Variants in SERPINE3 observed in about 807,000 individuals in gnomAD.
The protein encoded by SERPINE3 is serpin E3.
A neutral mutation model predicts 41.7 loss-of-function variants in SERPINE3; 43 were observed. That is an observed-to-expected ratio of 1.03 (90% CI 0.81 to 1.33). The LOEUF is 1.33. Ranked by LOEUF, SERPINE3 falls within the 40% of genes most tolerant of loss-of-function variation. The pLI is 0.00. For synonymous variants in SERPINE3, 200 were observed against 192.2 expected (o/e 1.04, Z -0.34); for missense variants, 440 against 491.7 (o/e 0.89, Z 0.99).
chr13:51,361,513 CAA>C (rs71785351), intron 8 of SERPINE3, 149 bp downstream of exon 8: 15,924 of 625,228 alleles, frequency 0.025, 286 homozygotes, highest in South Asian at 0.048. Flanking sequence ...CTAAAGAAAA[CAA>C]AAAGTTTTTG....
chr13:51,351,607 C>T (rs1023002590), intron 6 of SERPINE3, among the ~76,000 whole-genome samples: 1 of 151,936 alleles, frequency 6.6e-6, no homozygotes, highest in African/African-American at 2.4e-5. Context: ...CAATGGTGTC[C>T]TTTGAAGCAC....
intron 3 of SERPINE3, among the ~76,000 whole-genome samples, chr13:51,342,022 T>C (rs1025037761): frequency 1.7e-4 from 26 of 152,242 alleles, no homozygotes; most frequent in African/African-American, 6.3e-4. Context: ...CATGAGTCTT[T>C]CGAATGCCAG....
At chr13:51,361,450 C>T (rs1479341714) in intron 8 of SERPINE3, 86 bp downstream of exon 8, 4 of 843,360 alleles carry the variant, frequency 4.7e-6, no homozygotes, top group Non-Finnish European at 7.8e-6. Flanking sequence ...ACTTCTGAAT[C>T]TTTCCATAAC....
In SERPINE3 at chr13:51,355,155, T is replaced by G; in HGVS notation, c.1000+12T>G. ...GAAAGGAATTTCAGGTAAAAACGGT[T>G]CTTCTTCCAAACGTTCTAGCCGTGT... On this transcript the variant is annotated intron_variant, in intron 7 of 9. Transcript: ENST00000681248. 3.4e-4 allele frequency: 461 copies of G among 1,367,830 alleles called. No homozygotes were observed. Among genetic ancestry groups the G allele is most frequent in the Non-Finnish European group, 4.3e-4 (420 of 980,562 alleles). The allele number at this position is 1,367,830 out of a possible 1,614,324, so 84.7% of individuals were successfully genotyped here.
intron 7 of SERPINE3, among the ~76,000 whole-genome samples, chr13:51,356,504 ACTGTATTTTCTTCTACATCG>A (rs944882892): frequency 3.3e-5 from 5 of 152,070 alleles, no homozygotes; most frequent in East Asian, 3.9e-4. Context: ...AGAGTTAAAA[ACTGTATTTTCTTCTACATCG>A]CTGTATTTTC....
chr13:51,362,631 A>C (rs1364748201), intron 9 of SERPINE3: 1 of 152,450 alleles, frequency 6.6e-6, no homozygotes, highest in Non-Finnish European at 1.5e-5. Flanking sequence ...AGGATAGAAC[A>C]AGACTAATAA....
chr13:51,357,639 C>T (rs1269734012), intron 7 of SERPINE3, among the ~76,000 whole-genome samples: 1 of 152,038 alleles, frequency 6.6e-6, no homozygotes, highest in Non-Finnish European at 1.5e-5. Flanking sequence ...AATATTATCT[C>T]AAGGCCCAGC....
intron 4 of SERPINE3, among the ~76,000 whole-genome samples, chr13:51,345,219 C>G (rs1955333954): frequency 6.6e-6 from 1 of 152,164 alleles, no homozygotes; most frequent in Non-Finnish European, 1.5e-5. Flanking sequence ...AAGGCTCAGC[C>G]TCCTGCCCAG....
chr13:51,348,462 A>AGCGTGGAT (rs1163122617), intron 6 of SERPINE3, 51 bp downstream of exon 6: 2 of 1,531,848 alleles, frequency 1.3e-6, no homozygotes, highest in Non-Finnish European at 1.8e-6. Flanking sequence ...CAGTCAGAAG[A>AGCGTGGAT]GCGTGGATTT....
In SERPINE3 at chr13:51,361,546, G is replaced by T. The variant is rs566251825; in HGVS notation, c.1087+182G>T. On this transcript the variant is annotated intron_variant, in intron 8 of 9. Transcript: ENST00000681248. ...TTTTGAAAAATGACGGGGAAGAAGA[G>T]ATATCCATCCCATAAAAATAATTCT... is the stretch of plus-strand genomic sequence containing the variant. 2.9e-5 allele frequency: 17 copies of T among 589,990 alleles called. No individual in the cohort carries two copies. The East Asian group carries it at 4.5e-4, about 16-fold the overall frequency. The allele number at this position is 589,990 out of a possible 1,614,324, so 36.5% of individuals were successfully genotyped here. A position where few individuals can be genotyped will look rare whatever the true frequency, so the allele number is the denominator to read the frequency against.
intron 7 of SERPINE3, 118 bp from the exon 8 acceptor site, chr13:51,361,160 C>A: frequency 1.6e-6 from 1 of 629,190 alleles, no homozygotes; most frequent in South Asian, 2.4e-5. Flanking sequence ...TCCCTAGCTA[C>A]ACAGTAAGCA....
At chr13:51,349,748 G>T (rs1955386732) in intron 6 of SERPINE3, among the ~76,000 whole-genome samples, 1 of 152,152 alleles carries the variant, frequency 6.6e-6, no homozygotes, top group South Asian at 2.1e-4. Context: ...AACACTGGCA[G>T]GCAGGGAAGG....
intron 6 of SERPINE3, among the ~76,000 whole-genome samples, chr13:51,351,761 T>A (rs1955405484): frequency 6.6e-6 from 1 of 152,156 alleles, no homozygotes; most frequent in Admixed American, 6.5e-5. Context: ...CCAAGAACTT[T>A]ATAGGCTTAG....
rs1955643626 is a variant in SERPINE3, at chr13:51,364,348, T to C, written c.*66T>C. The C allele has an allele frequency of 4.4e-6, 4 of 899,254 alleles. No homozygotes were observed. The highest frequency in any genetic ancestry group is 3.4e-5 in the African/African-American group (2 of 58,052). The allele number at this position is 899,254 out of a possible 1,614,324, so 55.7% of individuals were successfully genotyped here. On this transcript the variant is annotated 3_prime_UTR_variant, in exon 10 of 10. Coordinates refer to ENST00000681248, the MANE Select transcript of SERPINE3 (RefSeq NM_001386375.1). ...GTTATAATTTCATTTTGCTATACCCTTGAAATTTAAAAAAATGTCTGATAA... is the reference window on the plus strand; with the variant it reads ...GTTATAATTTCATTTTGCTATACCCCTGAAATTTAAAAAAATGTCTGATAA...
intron 7 of SERPINE3, among the ~76,000 whole-genome samples, chr13:51,356,176 A>G (rs1015062237): frequency 4.6e-5 from 7 of 152,164 alleles, no homozygotes; most frequent in African/African-American, 1.7e-4. Context: ...CTGAACACGC[A>G]AAGAGATAGC....
At chr13:51,355,521 A>G (rs1955468145) in intron 7 of SERPINE3, among the ~76,000 whole-genome samples, 1 of 152,000 alleles carries the variant, frequency 6.6e-6, no homozygotes, top group Admixed American at 6.6e-5. Context: ...TTGTTTCTAC[A>G]CCCTTTTCCT....
rs1363841253 is a variant in SERPINE3 at position 51,352,768 on chromosome 13, A to G, written c.900-2275A>G. On this transcript the variant is annotated intron_variant, in intron 6 of 9. Coordinates refer to ENST00000681248, the MANE Select transcript of SERPINE3 (RefSeq NM_001386375.1). ...AATTTAAGGAAGTTACCTTCTATCC[A>G]AAGTTTGTTGTATGTTTGATGTTTG... 2.0e-5 allele frequency among the ~76,000 whole-genome samples: 3 copies of G among 152,106 alleles called. No individual in the cohort carries two copies. In the South Asian group the frequency reaches 6.2e-4, roughly 32 times the overall value.
chr13:51,341,049 C>T, intron 2 of SERPINE3, 26 bp from the exon 3 acceptor site: 1 of 1,600,112 alleles, frequency 6.2e-7, no homozygotes. Context: ...CCAGCCTACC[C>T]TGCATCTCTT....
intron 6 of SERPINE3, among the ~76,000 whole-genome samples, chr13:51,352,043 T>G (rs61956916): frequency 0.025 from 3,807 of 152,256 alleles, 62 homozygotes; most frequent in South Asian, 0.056. Context: ...TTACTGTAGT[T>G]TGAGTCCTTC....
Sources: gnomAD v4.1 joint callset for allele counts (sites outside exome capture counted in the v4.1 genomes callset) on GRCh38, gnomAD v4.1.1 for gene constraint, MANE v1.5 for transcripts, NCBI Gene and HGNC (gene_info 2026-07-23, HGNC 2026-07-21) for gene names.